The following NBAS variants were observed in gnomAD, a reference collection of about 807,000 sequenced individuals.
NBAS encodes the protein NBAS subunit of NRZ tethering complex, also known as NAG/BC035112 fusion.
NBAS carries 219 observed loss-of-function variants against 302.5 expected under a neutral mutation model. The observed-to-expected ratio is 0.72, with a 90% CI of 0.65 to 0.81. NBAS has a LOEUF of 0.81. Among genes scored for constraint, NBAS ranks in the 30% least tolerant of loss-of-function variants. The probability of loss-of-function intolerance (pLI) is 0.00; values close to 1 mark genes in which losing one functional copy is unlikely to be tolerated. For missense variants in NBAS, 2,932 were observed against 2,841.6 expected, an observed-to-expected ratio of 1.03 and a Z score of -0.72; for synonymous variants, 1,118 against 1,021.6, an observed-to-expected ratio of 1.09 and a Z score of -1.80.
intron 47 of NBAS, among the ~76,000 whole-genome samples, chr2:15,225,141 T>A (rs1667100357): frequency 6.6e-6 from 1 of 152,202 alleles, no homozygotes; most frequent in South Asian, 2.1e-4. Context: ...TTGTGGCTGC[T>A]CTCAAATATA....
At chr2:15,402,024 G>A in intron 26 of NBAS, 144 bp downstream of exon 26, 2 of 817,836 alleles carry the variant, frequency 2.4e-6, no homozygotes, top group South Asian at 3.1e-5. Flanking sequence ...CTAGGCAATA[G>A]GATTGCAGAT....
the NBAS span, among the ~76,000 whole-genome samples, chr2:15,003,667 CTGA>C: frequency 1.3e-5 from 2 of 152,240 alleles, no homozygotes; most frequent in East Asian, 3.8e-4. Flanking sequence ...TCCTCCTCCT[CTGA>C]GCCTGAGCCC....
chr2:15,229,355 A>AC (rs1390526325), intron 47 of NBAS, among the ~76,000 whole-genome samples: 4 of 145,802 alleles, frequency 2.7e-5, no homozygotes, highest in Non-Finnish European at 5.9e-5. Context: ...AACAAAAAAA[A>AC]AAAAAAAAAA....
At chr2:15,030,083 G>A in the NBAS span, among the ~76,000 whole-genome samples, 2 of 152,198 alleles carry the variant, frequency 1.3e-5, no homozygotes, top group Non-Finnish European at 2.9e-5. Flanking sequence ...TCACCAGGGA[G>A]GAAACTCTTC....
chr2:15,488,867 T>C, intron 12 of NBAS, 27 bp downstream of exon 12: 2 of 1,612,446 alleles, frequency 1.2e-6, no homozygotes, highest in Non-Finnish European at 1.7e-6. Flanking sequence ...CTTAAGAGAG[T>C]ATCATTCTAA....
At chr2:15,435,159 C>A (rs1677950841) in intron 21 of NBAS, among the ~76,000 whole-genome samples, 1 of 152,104 alleles carries the variant, frequency 6.6e-6, no homozygotes, top group Non-Finnish European at 1.5e-5. Context: ...AAATAACCCA[C>A]CTATGTGAGT....
chr2:15,419,935 A>G (rs1677131167), intron 23 of NBAS, among the ~76,000 whole-genome samples: 2 of 151,880 alleles, frequency 1.3e-5, no homozygotes, highest in South Asian at 4.2e-4. Context: ...GATGGTCTCG[A>G]TCTCCTGACC....
intron 22 of NBAS, 133 bp from the exon 23 acceptor site, chr2:15,424,601 A>G: frequency 1.0e-6 from 1 of 958,540 alleles, no homozygotes; most frequent in South Asian, 1.3e-5. Context: ...TGGTTTGTGT[A>G]TCTATCACAT....
chr2:15,348,999 A>G (rs1472062929), intron 35 of NBAS, among the ~76,000 whole-genome samples: 1 of 152,228 alleles, frequency 6.6e-6, no homozygotes, highest in African/African-American at 2.4e-5. Flanking sequence ...ATAAGAGCAC[A>G]AGACAAGCAC....
the NBAS span, among the ~76,000 whole-genome samples, chr2:14,916,764 C>T: frequency 6.6e-6 from 1 of 152,130 alleles, no homozygotes; most frequent in Non-Finnish European, 1.5e-5. Flanking sequence ...CTCATGTATT[C>T]AGATATGGCT....
intron 6 of NBAS, 146 bp downstream of exon 6, chr2:15,551,347 A>G (rs1319993529): frequency 1.3e-5 from 7 of 549,604 alleles, no homozygotes; most frequent in Non-Finnish European, 2.2e-5. Flanking sequence ...CAGTAAAAAA[A>G]AAAAAAAGCA....
the NBAS span, among the ~76,000 whole-genome samples, chr2:14,984,174 C>T: frequency 6.6e-6 from 1 of 152,154 alleles, no homozygotes; most frequent in East Asian, 1.9e-4. Context: ...CCAAGCCCCA[C>T]GATGTACCTG....
At chr2:15,475,921 A>C in intron 13 of NBAS, 41 bp from the exon 14 acceptor site, 1 of 1,476,196 alleles carries the variant, frequency 6.8e-7, no homozygotes, top group Non-Finnish European at 9.4e-7. Context: ...GCATCTGCTA[A>C]TGTGGTTTAA....
At chr2:15,178,392 G>A (rs1182901962) in intron 51 of NBAS, among the ~76,000 whole-genome samples, 3 of 152,030 alleles carry the variant, frequency 2.0e-5, no homozygotes, top group Non-Finnish European at 4.4e-5. Flanking sequence ...ATCCTAAAGT[G>A]GAAAATTTTA....
the NBAS span, among the ~76,000 whole-genome samples, chr2:15,055,501 G>T: frequency 5.9e-5 from 9 of 152,228 alleles, no homozygotes; most frequent in East Asian, 1.5e-3. Context: ...TTCTCCAGCT[G>T]GGGGGCGGGG....
Position 15,472,870 on chromosome 2 carries a change from T to C in NBAS, c.1725+352A>G, listed in dbSNP as rs541497456. Among the ~76,000 whole-genome samples, 26 of 152,336 alleles carry C rather than the reference T, an allele frequency of 1.7e-4. No homozygotes were observed. The South Asian group carries it at 5.4e-3, about 32-fold the overall frequency. ...CTGGTTACTAGAAAATAATTCTCCA[T>C]ATTGTAAATTTCCCTGTTTAAATTA... On this transcript the variant is annotated intron_variant, in intron 16 of 51. Transcript: ENST00000281513.
intron 48 of NBAS, among the ~76,000 whole-genome samples, chr2:15,210,708 T>G (rs1666366203): frequency 6.6e-6 from 1 of 152,090 alleles, no homozygotes; most frequent in African/African-American, 2.4e-5. Flanking sequence ...ACAGCCACAA[T>G]TTGGAAGCTA....
the NBAS span, among the ~76,000 whole-genome samples, chr2:14,965,986 G>T: frequency 1.3e-5 from 2 of 152,116 alleles, no homozygotes; most frequent in Non-Finnish European, 2.9e-5. Flanking sequence ...GTCCTTATAA[G>T]AATATAGAAA....
intron 11 of NBAS, among the ~76,000 whole-genome samples, chr2:15,503,092 T>A: frequency 6.6e-6 from 1 of 152,190 alleles, no homozygotes; most frequent in East Asian, 1.9e-4. Flanking sequence ...ATCATCAATA[T>A]CACCGTCTTC....
Sources: gnomAD v4.1 joint callset for allele counts (sites outside exome capture counted in the v4.1 genomes callset) on GRCh38, gnomAD v4.1.1 for gene constraint, MANE v1.5 for transcripts, NCBI Gene and HGNC (gene_info 2026-07-23, HGNC 2026-07-21) for gene names.